ANKRD36: variants seen among roughly 807,000 people sequenced by gnomAD.
The protein encoded by ANKRD36 is ankyrin repeat domain-containing protein 36A.
Under a neutral mutation model 278.1 loss-of-function variants are expected in ANKRD36, and 179 were observed. The ratio of observed to expected loss-of-function variants is 0.64; its 90% CI spans 0.57 to 0.73. The LOEUF (loss-of-function observed/expected upper bound fraction) is 0.73, where lower values mean the gene tolerates loss of function less well. Among genes scored for constraint, ANKRD36 ranks in the 30% least tolerant of loss-of-function variants. ANKRD36 has a pLI of 0.00. For synonymous variants in ANKRD36, 320 were observed against 641.1 expected (o/e 0.50, Z 7.57); for missense variants, 1,159 against 1,956.7 (o/e 0.59, Z 7.69).
chr2:97,211,713 A>C lies in ANKRD36; in HGVS notation c.3441A>C (p.Glu1147Asp). The C allele has an allele frequency of 6.3e-7, 1 of 1,589,950 alleles. No homozygotes were observed. ...ATTCTGTTCCGAATATGGCCACGGA[A>C]AAAAAGGATGAACAAATATCTGGGA... ...KEDSVPNMAT[E>D]KKDEQISGTV... The change falls in exon 58 of 76, where the codon GAA becomes GAC. Residue 1147 changes from glutamate to aspartate, a missense_variant. Glu to Asp is a conservative substitution (Grantham distance 45). Coordinates refer to ENST00000420699, the MANE Select transcript of ANKRD36 (RefSeq NM_001354587.1).
At chr2:97,128,547 ATTGGTATG>A (rs1363098813) in intron 6 of ANKRD36, among the ~76,000 whole-genome samples, 1 of 151,928 alleles carries the variant, frequency 6.6e-6, no homozygotes, top group Non-Finnish European at 1.5e-5. Flanking sequence ...TATTGATGTG[ATTGGTATG>A]TCTGTTGTCC....
Position 97,185,353 on chromosome 2 carries a change from A to G in ANKRD36, c.1968+9A>G, listed in dbSNP as rs764103434. The stretch of plus-strand genomic sequence containing the variant: ...AACAACCAGCCTCAAAGGTAATTAA[A>G]CTCTCATTTATATTTTGTATTAGTA... On this transcript the variant is annotated intron_variant, in intron 29 of 75. Coordinates refer to ENST00000420699, the MANE Select transcript of ANKRD36 (RefSeq NM_001354587.1). The G allele has an allele frequency of 8.1e-6, 13 of 1,609,518 alleles. No individual in the cohort carries two copies. The highest frequency in any genetic ancestry group is 4.4e-5 in the South Asian group (4 of 90,742).
intron 58 of ANKRD36, 54 bp downstream of exon 58, chr2:97,211,795 C>G: frequency 6.6e-7 from 1 of 1,514,396 alleles, no homozygotes; most frequent in East Asian, 2.5e-5. Context: ...AAGAGAACTT[C>G]TCTTCACCAA....
chr2:97,248,361 A>T (rs1195592079), intron 72 of ANKRD36: 10 of 113,936 alleles, frequency 8.8e-5, no homozygotes, highest in Non-Finnish European at 1.2e-4. Context: ...GGGCATTTAG[A>T]CAACAGGGCT....
At chr2:97,115,668 G>C (rs1439174115) in intron 1 of ANKRD36, among the ~76,000 whole-genome samples, 2 of 149,274 alleles carry the variant, frequency 1.3e-5, no homozygotes, top group Non-Finnish European at 3.0e-5. Context: ...AAGTTTGTGA[G>C]GGTAAAGGGT....
At chr2:97,149,488 A>T in intron 12 of ANKRD36, 127 bp downstream of exon 12, 1 of 755,606 alleles carries the variant, frequency 1.3e-6, no homozygotes, top group Non-Finnish European at 1.9e-6. Context: ...TTTATTAGAG[A>T]TAACCATTTT....
chr2:97,194,948 T>G, intron 40 of ANKRD36, 31 bp downstream of exon 40: 1 of 1,539,830 alleles, frequency 6.5e-7, no homozygotes, highest in Non-Finnish European at 8.7e-7. Flanking sequence ...TAATGTCATG[T>G]TCAGTCCAGA....
chr2:97,144,634 A>G lies in ANKRD36; in HGVS notation c.931-6A>G, dbSNP rs997878928. 3 of 1,545,280 alleles carry G rather than the reference A, an allele frequency of 1.9e-6. No individual in the cohort carries two copies. In the Admixed American group the frequency reaches 5.9e-5, roughly 30 times the overall value. ...TATTGATTATTTTGTTTGAAATCCC[A>G]CTCAGGATACAAGTGACAAGGATGA... On this transcript the variant is annotated splice_region_variant and splice_polypyrimidine_tract_variant and intron_variant, in intron 9 of 75. Coordinates refer to ENST00000420699, the MANE Select transcript of ANKRD36 (RefSeq NM_001354587.1).
intron 44 of ANKRD36, among the ~76,000 whole-genome samples, chr2:97,200,075 T>A (rs1216307906): frequency 2.0e-5 from 3 of 151,892 alleles, no homozygotes; most frequent in Non-Finnish European, 4.4e-5. Context: ...ACATTGAGAT[T>A]GACACGGTTT....
chr2:97,133,008 C>G (rs2040562822), intron 6 of ANKRD36, among the ~76,000 whole-genome samples: 1 of 152,200 alleles, frequency 6.6e-6, no homozygotes, highest in East Asian at 1.9e-4. Flanking sequence ...AGCAGCTGTT[C>G]AGAGTCAACC....
At position 97,187,155 on chromosome 2, in the gene ANKRD36, C is replaced by T. The variant is rs2153557835; in HGVS notation, c.2042-43C>T. On this transcript the variant is annotated intron_variant, in intron 30 of 75. Transcript: ENST00000420699. ...CCGCATGAATGTATGGAAAATGTAT[C>T]ATATTTACATATGAGTGATTATGTA... 3 of 1,607,530 alleles carry T rather than the reference C, an allele frequency of 1.9e-6. 1 individual carries two copies. The South Asian group carries it at 3.3e-5, about 18-fold the overall frequency.
intron 6 of ANKRD36, among the ~76,000 whole-genome samples, chr2:97,137,592 T>TACAC (rs35336868): frequency 6.6e-6 from 1 of 150,572 alleles, no homozygotes; most frequent in Non-Finnish European, 1.5e-5. Context: ...TATATATATA[T>TACAC]ACACACACAC....
chr2:97,132,960 C>T (rs2153432154), intron 6 of ANKRD36, among the ~76,000 whole-genome samples: 1 of 152,176 alleles, frequency 6.6e-6, no homozygotes, highest in East Asian at 1.9e-4. Context: ...GGCATTCTGT[C>T]TCACACATAT....
At chr2:97,220,729 CTT>C in intron 66 of ANKRD36, among the ~76,000 whole-genome samples, 3,339 of 65,562 alleles carry the variant, frequency 0.051, 25 homozygotes, top group East Asian at 0.12. Context: ...GATTTTCTTG[CTT>C]TTTTTTTTTT....
intron 4 of ANKRD36, among the ~76,000 whole-genome samples, chr2:97,123,232 G>C (rs1427280379): frequency 6.6e-6 from 1 of 150,458 alleles, no homozygotes; most frequent in East Asian, 1.9e-4. Flanking sequence ...CACATAAAAG[G>C]CTTCTATATA....
In ANKRD36 at chr2:97,208,952, C is replaced by G. The variant is rs115113157; in HGVS notation, c.3266-729C>G. On this transcript the variant is annotated intron_variant, in intron 54 of 75. Transcript: ENST00000420699. ...ATATCTAATGCTTGTAGCCATTTTA[C>G]TTTGTAGACGTATGTCAAAGTTGAT... 3.5e-3 allele frequency among the ~76,000 whole-genome samples: 515 copies of G among 146,706 alleles called. 92 individuals carry two copies. Among genetic ancestry groups the G allele is most frequent in the African/African-American group, 0.013 (497 of 37,758 alleles).
chr2:97,179,472 A>C (rs1157373755), intron 22 of ANKRD36, among the ~76,000 whole-genome samples: 3 of 151,610 alleles, frequency 2.0e-5, no homozygotes, highest in African/African-American at 7.3e-5. Flanking sequence ...TGATATTGAC[A>C]TGGTTTTATT....
At chr2:97,259,164 TTTAG>T (rs1232804574) in intron 75 of ANKRD36, among the ~76,000 whole-genome samples, 2 of 116,494 alleles carry the variant, frequency 1.7e-5, no homozygotes, top group African/African-American at 6.0e-5. Context: ...GTATTAAATT[TTTAG>T]TTTGTTGTAT....
At chr2:97,188,289 T>A (rs1259789275) in intron 32 of ANKRD36, among the ~76,000 whole-genome samples, 4 of 151,586 alleles carry the variant, frequency 2.6e-5, no homozygotes, top group Admixed American at 2.0e-4. Context: ...AAAATGGTAA[T>A]TTTCAATGAA....
Sources: gnomAD v4.1 joint callset for allele counts (sites outside exome capture counted in the v4.1 genomes callset) on GRCh38, gnomAD v4.1.1 for gene constraint, MANE v1.5 for transcripts, NCBI Gene and HGNC (gene_info 2026-07-23, HGNC 2026-07-21) for gene names.